Variants in ARHGAP26 observed in about 807,000 individuals in gnomAD.
ARHGAP26 encodes the protein rho GTPase-activating protein 26.
ARHGAP26 carries 38 observed loss-of-function variants against 104.8 expected under a neutral mutation model. The observed-to-expected ratio is 0.36, with a 90% CI of 0.28 to 0.48. ARHGAP26 has a LOEUF of 0.48. ARHGAP26 is among the 20% of genes least tolerant of loss of function. ARHGAP26 has a pLI of 0.99. For missense variants in ARHGAP26, 704 were observed against 947.9 expected, an observed-to-expected ratio of 0.74 and a Z score of 3.38; for synonymous variants, 341 against 340.0, an observed-to-expected ratio of 1.00 and a Z score of -0.03.
At chr5:142,863,213 C>T (rs995620028) in intron 1 of ARHGAP26, among the ~76,000 whole-genome samples, 3 of 151,634 alleles carry the variant, frequency 2.0e-5, no homozygotes, top group African/African-American at 2.4e-5. Flanking sequence ...TGGGTTCAAG[C>T]GATTCTCCTG....
chr5:143,130,359 CCTGA>C (rs754427957), intron 18 of ARHGAP26, among the ~76,000 whole-genome samples: 7 of 152,308 alleles, frequency 4.6e-5, no homozygotes, highest in Non-Finnish European at 7.4e-5. Flanking sequence ...CTAAGACATT[CCTGA>C]CTAAGTCGGA....
chr5:143,104,428 T>C (rs978283192), intron 17 of ARHGAP26, among the ~76,000 whole-genome samples: 1 of 152,080 alleles, frequency 6.6e-6, no homozygotes, highest in Non-Finnish European at 1.5e-5. Context: ...GGAGAATCGC[T>C]TGAGCCTGGG....
chr5:143,024,433 T>C (rs1477944514), intron 12 of ARHGAP26, among the ~76,000 whole-genome samples: 1 of 152,146 alleles, frequency 6.6e-6, no homozygotes, highest in Non-Finnish European at 1.5e-5. Context: ...GGCTGCAGCC[T>C]GAGCAGGTGT....
chr5:143,072,597 T>C (rs949882161), intron 17 of ARHGAP26, among the ~76,000 whole-genome samples: 1 of 152,184 alleles, frequency 6.6e-6, no homozygotes, highest in Non-Finnish European at 1.5e-5. Flanking sequence ...ATCCTGTCAT[T>C]TGCAGCAACA....
At chr5:143,005,176 C>G (rs1208253053) in intron 11 of ARHGAP26, among the ~76,000 whole-genome samples, 1 of 152,196 alleles carries the variant, frequency 6.6e-6, no homozygotes, top group Non-Finnish European at 1.5e-5. Flanking sequence ...ATAGAAAGAG[C>G]AGGGATGAGC....
At chr5:142,953,960 C>A (rs1485704623) in intron 11 of ARHGAP26, among the ~76,000 whole-genome samples, 1 of 152,172 alleles carries the variant, frequency 6.6e-6, no homozygotes, top group African/African-American at 2.4e-5. Flanking sequence ...CTGTTGGTAT[C>A]TGATCATAAT....
At chr5:143,127,482 A>G (rs1465377927) in intron 18 of ARHGAP26, among the ~76,000 whole-genome samples, 9 of 152,080 alleles carry the variant, frequency 5.9e-5, no homozygotes, top group Non-Finnish European at 4.4e-5. Flanking sequence ...TTGAGCTGTT[A>G]ATTCTCAGAA....
Position 143,057,660 on chromosome 5 carries a change from C to T in ARHGAP26, c.1451C>T (p.Ser484Phe). The T allele has an allele frequency of 1.2e-6, 2 of 1,613,956 alleles. No homozygotes were observed. The highest frequency in any genetic ancestry group is 2.2e-5 in the South Asian group (2 of 91,074). The stretch of plus-strand genomic sequence containing the variant: ...TTTGCAGAACTGGAGAACCAGGAGT[C>T]TCGGGTCTCTGAAATCCACAGCCTT... ...IKAAKLENQESRVSEIHSLVH... is the reference protein window; with the variant it reads ...IKAAKLENQEFRVSEIHSLVH... The change falls in exon 17 of 23, where the codon TCT (serine) becomes TTT (phenylalanine). Residue 484 changes from serine (S) to phenylalanine (F), a missense_variant. By Grantham distance (155) the Ser-to-Phe change is radical. Coordinates refer to ENST00000645722, the MANE Select transcript of ARHGAP26 (RefSeq NM_001135608.3).
intron 1 of ARHGAP26, among the ~76,000 whole-genome samples, chr5:142,781,798 G>A (rs748699127): frequency 3.9e-5 from 6 of 152,088 alleles, no homozygotes; most frequent in Admixed American, 6.6e-5. Flanking sequence ...TGCAACCTCC[G>A]CCTCCCGGGT....
chr5:142,803,959 G>A (rs1175040116), intron 1 of ARHGAP26, among the ~76,000 whole-genome samples: 1 of 152,134 alleles, frequency 6.6e-6, no homozygotes, highest in East Asian at 1.9e-4. Context: ...ATCAGCACTG[G>A]TAGGTGCTTT....
intron 7 of ARHGAP26, 108 bp from the exon 8 acceptor site, chr5:142,903,432 T>A: frequency 7.8e-7 from 1 of 1,279,274 alleles, no homozygotes; most frequent in Non-Finnish European, 1.1e-6. Flanking sequence ...CCTGGAAGGT[T>A]GAATGTCCTT....
chr5:143,057,689 C>T lies in ARHGAP26; in HGVS notation c.1480C>T (p.His494Tyr), dbSNP rs1418071301. Residue 494 changes from histidine to tyrosine, a missense_variant, in exon 17 of 23, where the codon CAT becomes TAT. Physicochemically the swap from His to Tyr is moderately conservative, Grantham distance 83 (BLOSUM62 2). This residue lies in a region of ARHGAP26 where 287 missense variants were observed against 438.8 expected (regional missense o/e 0.65). Transcript: ENST00000645722. ...SRVSEIHSLV[H>Y]RLPEKNRQML... is the part of the protein sequence containing the mutation. ...GGTCTCTGAAATCCACAGCCTTGTT[C>T]ATCGGCTCCCAGAGAAAAATCGGCA... 2 of 1,613,864 alleles carry T rather than the reference C, an allele frequency of 1.2e-6. No individual in the cohort carries two copies.
chr5:143,104,279 G>A (rs1398380765), intron 17 of ARHGAP26, among the ~76,000 whole-genome samples: 1 of 152,144 alleles, frequency 6.6e-6, no homozygotes, highest in Non-Finnish European at 1.5e-5. Context: ...GGAAGCCGAA[G>A]CAGGTGGATC....
intron 15 of ARHGAP26, among the ~76,000 whole-genome samples, chr5:143,054,917 C>G (rs1451196716): frequency 3.3e-5 from 5 of 152,236 alleles, no homozygotes; most frequent in Non-Finnish European, 5.9e-5. Context: ...TCATACTTTA[C>G]ACAGAGTACA....
In ARHGAP26 at chr5:143,011,303, CTTT is replaced by C. The variant is rs58841045; in HGVS notation, c.1108-2758_1108-2756del. ...GCCTAAAGTCCACAATAAACCCCCG[CTTT>C]TTTTTTTTTTTTTTTTTTACTTTCT... On this transcript the variant is annotated intron_variant, in intron 11 of 22. Coordinates refer to ENST00000645722, the MANE Select transcript of ARHGAP26 (RefSeq NM_001135608.3). Among the ~76,000 whole-genome samples, 67 of 110,970 alleles carry C rather than the reference CTTT, an allele frequency of 6.0e-4. 1 individual carries two copies. The South Asian group carries it at 0.011, about 17-fold the overall frequency. 72.8% of individuals were successfully genotyped at this position (110,970 alleles called of 152,430 possible). A position where few individuals can be genotyped will look rare whatever the true frequency, so the allele number is the denominator to read the frequency against.
chr5:143,096,343 G>A (rs1286159606), intron 17 of ARHGAP26, among the ~76,000 whole-genome samples: 3 of 152,118 alleles, frequency 2.0e-5, no homozygotes, highest in African/African-American at 4.8e-5. Flanking sequence ...AAATTATGAC[G>A]TTTTCTTGAA....
chr5:142,915,961 G>A (rs1762426255), intron 10 of ARHGAP26, among the ~76,000 whole-genome samples: 1 of 152,162 alleles, frequency 6.6e-6, no homozygotes, highest in East Asian at 1.9e-4. Context: ...GCGAGGAGGT[G>A]ATTGCTGCTA....
intron 1 of ARHGAP26, among the ~76,000 whole-genome samples, chr5:142,839,006 G>A (rs1289376660): frequency 2.0e-5 from 3 of 152,236 alleles, no homozygotes; most frequent in Non-Finnish European, 4.4e-5. Context: ...CTGGGAAGTA[G>A]TAGTGTTGAT....
At chr5:142,905,794 C>G (rs180741214) in intron 8 of ARHGAP26, among the ~76,000 whole-genome samples, 23 of 152,208 alleles carry the variant, frequency 1.5e-4, no homozygotes, top group African/African-American at 5.3e-4. Flanking sequence ...AAAGTAATGG[C>G]TAAAATCGCA....
Sources: allele counts gnomAD v4.1 joint callset (sites outside exome capture counted in the v4.1 genomes callset), GRCh38; gene constraint gnomAD v4.1.1; regional missense constraint gnomAD v4.1.1; transcripts MANE v1.5; gene names NCBI Gene and HGNC (gene_info 2026-07-23, HGNC 2026-07-21).